SLC9A9: variants seen among roughly 807,000 people sequenced by gnomAD.
SLC9A9 encodes the protein sodium/hydrogen exchanger 9.
SLC9A9 carries 62 observed loss-of-function variants against 77.8 expected under a neutral mutation model. The observed-to-expected ratio is 0.80, with a 90% CI of 0.65 to 0.98. The LOEUF (loss-of-function observed/expected upper bound fraction) is 0.98, where lower values mean the gene tolerates loss of function less well. SLC9A9 is among the 50% of genes least tolerant of loss of function. SLC9A9 has a pLI of 0.00. For synonymous variants in SLC9A9, 320 were observed against 283.5 expected, an observed-to-expected ratio of 1.13 and a Z score of -1.29; for missense variants, 775 against 774.9, an observed-to-expected ratio of 1.00 and a Z score of 0.00.
At position 143,559,586 on chromosome 3, in the gene SLC9A9, A is replaced by G. The variant is rs143240778; in HGVS notation, c.1001-7136T>C. On this transcript the variant is annotated intron_variant, in intron 8 of 15. Transcript: ENST00000316549. The stretch of plus-strand genomic sequence containing the variant: ...TTTTTTTTTTTAAGGTCAAAGAAAT[A>G]ACACTGGTTCTAAATGAAACCTTTA... 6.4e-3 allele frequency among the ~76,000 whole-genome samples: 971 copies of G among 152,238 alleles called. 39 individuals carry two copies. Among genetic ancestry groups the G allele is most frequent in the Admixed American group, 0.054 (825 of 15,288 alleles).
chr3:143,466,035 G>A (rs2035275129), intron 12 of SLC9A9, among the ~76,000 whole-genome samples: 1 of 152,172 alleles, frequency 6.6e-6, no homozygotes, highest in Admixed American at 6.5e-5. Flanking sequence ...GTTTACATTT[G>A]TGGTTGTATT....
chr3:143,300,242 G>A (rs973144741), intron 14 of SLC9A9, among the ~76,000 whole-genome samples: 1 of 152,190 alleles, frequency 6.6e-6, no homozygotes, highest in Non-Finnish European at 1.5e-5. Flanking sequence ...TGTGAAAAGG[G>A]ACAGAGTATT....
intron 12 of SLC9A9, among the ~76,000 whole-genome samples, chr3:143,446,414 G>C (rs551511746): frequency 5.6e-4 from 85 of 152,234 alleles, no homozygotes; most frequent in Non-Finnish European, 1.1e-3. Context: ...GGGGTTATGG[G>C]GGCTTGAGGA....
intron 2 of SLC9A9, among the ~76,000 whole-genome samples, chr3:143,825,075 C>T (rs2009264664): frequency 6.6e-6 from 1 of 152,114 alleles, no homozygotes; most frequent in Non-Finnish European, 1.5e-5. Flanking sequence ...TGATAGTATC[C>T]TACAAATGCT....
intron 9 of SLC9A9, among the ~76,000 whole-genome samples, chr3:143,523,534 G>T (rs997452794): frequency 4.6e-5 from 7 of 152,134 alleles, no homozygotes; most frequent in African/African-American, 1.7e-4. Flanking sequence ...AAAGTGTTGA[G>T]GTGGGAAGAC....
At position 143,520,814 on chromosome 3, in the gene SLC9A9, G is replaced by T. The variant is rs537249540; in HGVS notation, c.1090-25366C>A. Among the ~76,000 whole-genome samples, 4 of 152,242 alleles carry T rather than the reference G, an allele frequency of 2.6e-5. No homozygotes were observed. The East Asian group carries it at 7.7e-4, about 29-fold the overall frequency. On this transcript the variant is annotated intron_variant, in intron 9 of 15. Transcript: ENST00000316549. ...TAATCTAGTAGTTGTGGTTTAATTT[G>T]AACTCCCCACAGGACCACTGATGTT...
chr3:143,670,784 T>G (rs925104737), intron 5 of SLC9A9, among the ~76,000 whole-genome samples: 1 of 152,242 alleles, frequency 6.6e-6, no homozygotes, highest in African/African-American at 2.4e-5. Context: ...ACTGGGAGCA[T>G]GCTGAGAGCA....
At chr3:143,833,185 T>C (rs550028994) in intron 1 of SLC9A9, among the ~76,000 whole-genome samples, 4 of 152,328 alleles carry the variant, frequency 2.6e-5, no homozygotes, top group African/African-American at 9.6e-5. Context: ...GGATAAATGA[T>C]CCAGAGTTCA....
intron 5 of SLC9A9, among the ~76,000 whole-genome samples, chr3:143,671,415 C>T (rs528960595): frequency 1.6e-4 from 24 of 152,122 alleles, no homozygotes; most frequent in South Asian, 1.2e-3. Context: ...ATTAACTTGC[C>T]GTGAAACCTT....
At chr3:143,621,998 T>C (rs1376288022) in intron 6 of SLC9A9, among the ~76,000 whole-genome samples, 1 of 151,926 alleles carries the variant, frequency 6.6e-6, no homozygotes, top group Non-Finnish European at 1.5e-5. Context: ...TTCAATCAAC[T>C]GGAAGAAAGG....
intron 9 of SLC9A9, among the ~76,000 whole-genome samples, chr3:143,543,397 T>C (rs2036721566): frequency 6.6e-6 from 1 of 151,634 alleles, no homozygotes; most frequent in East Asian, 1.9e-4. Context: ...TTTTTTCTTC[T>C]ATTTTTATTT....
In SLC9A9 at chr3:143,748,285, T is replaced by TG. The variant is rs552206867; in HGVS notation, c.533+46715dup. 1.9e-4 allele frequency among the ~76,000 whole-genome samples: 29 copies of TG among 152,244 alleles called. No homozygotes were observed. The South Asian group carries it at 2.5e-3, about 13-fold the overall frequency. On this transcript the variant is annotated intron_variant, in intron 4 of 15. Coordinates refer to ENST00000316549, the MANE Select transcript of SLC9A9 (RefSeq NM_173653.4). ...GGACCCCACAAATATAAGAGCCTTG[T>TG]GGCTAGGTCTGGGCTCAGCCAAGCC...
intron 12 of SLC9A9, among the ~76,000 whole-genome samples, chr3:143,427,087 T>A (rs1344389383): frequency 6.6e-6 from 1 of 152,170 alleles, no homozygotes; most frequent in Non-Finnish European, 1.5e-5. Context: ...AAAGTAAAAG[T>A]TTAAAAAGCA....
chr3:143,784,193 G>A (rs1342140643), intron 4 of SLC9A9, among the ~76,000 whole-genome samples: 1 of 152,216 alleles, frequency 6.6e-6, no homozygotes, highest in Non-Finnish European at 1.5e-5. Flanking sequence ...TTCCAGCTGA[G>A]CAGGGGTCAA....
intron 2 of SLC9A9, among the ~76,000 whole-genome samples, chr3:143,807,571 T>A (rs2008754685): frequency 6.6e-6 from 1 of 151,816 alleles, no homozygotes; most frequent in Non-Finnish European, 1.5e-5. Flanking sequence ...TGGGTTCAAA[T>A]CCGTTTCTAC....
intron 12 of SLC9A9, among the ~76,000 whole-genome samples, chr3:143,384,698 G>A (rs2293326): frequency 0.045 from 6,822 of 152,218 alleles, 199 homozygotes; most frequent in African/African-American, 0.074. Flanking sequence ...TGACTGGGAA[G>A]AAGACTGTAC....
chr3:143,751,298 G>A (rs1157039014), intron 4 of SLC9A9, among the ~76,000 whole-genome samples: 1 of 152,210 alleles, frequency 6.6e-6, no homozygotes, highest in African/African-American at 2.4e-5. Context: ...CCACCTAATT[G>A]TTGGTGGTGG....
intron 2 of SLC9A9, among the ~76,000 whole-genome samples, chr3:143,803,980 C>T (rs1324870624): frequency 6.6e-6 from 1 of 152,122 alleles, no homozygotes; most frequent in African/African-American, 2.4e-5. Context: ...CTTAAAAAAC[C>T]TTTCTCCTTA....
intron 12 of SLC9A9, among the ~76,000 whole-genome samples, chr3:143,452,503 T>TAAAAA (rs58038873): frequency 9.2e-6 from 1 of 108,884 alleles, no homozygotes; most frequent in Non-Finnish European, 1.9e-5. Context: ...TTAAAAAGAC[T>TAAAAA]AAAAAAAAAA....
Sources: allele counts gnomAD v4.1 joint callset (sites outside exome capture counted in the v4.1 genomes callset), GRCh38; gene constraint gnomAD v4.1.1; transcripts MANE v1.5; gene names NCBI Gene and HGNC (gene_info 2026-07-23, HGNC 2026-07-21).